ICMT: variants seen among roughly 807,000 people sequenced by gnomAD.
The protein encoded by ICMT is isoprenylcysteine carboxyl methyltransferase.
Under a neutral mutation model 32.2 loss-of-function variants are expected in ICMT, and 10 were observed. The observed-to-expected ratio is 0.31, with a 90% CI of 0.19 to 0.53. The LOEUF (loss-of-function observed/expected upper bound fraction) is 0.53, where lower values mean the gene tolerates loss of function less well. ICMT is among the 20% of genes least tolerant of loss of function. ICMT has a pLI of 0.96. For synonymous variants in ICMT, 183 were observed against 158.2 expected, an observed-to-expected ratio of 1.16 and a Z score of -1.18; for missense variants, 265 against 356.9, an observed-to-expected ratio of 0.74 and a Z score of 2.07.
intron 4 of ICMT, among the ~76,000 whole-genome samples, chr1:6,229,163 C>T (rs1156533883): frequency 6.6e-6 from 1 of 152,122 alleles, no homozygotes; most frequent in Non-Finnish European, 1.5e-5. Context: ...CATGGAAAAA[C>T]CCCGTCTCTA....
chr1:6,225,372 G>A (rs1284566139), intron 4 of ICMT, 110 bp from the exon 5 acceptor site: 3 of 1,047,336 alleles, frequency 2.9e-6, no homozygotes, highest in Non-Finnish European at 4.2e-6. Context: ...ATGCCCTGCT[G>A]AGACCGTCAG....
intron 4 of ICMT, among the ~76,000 whole-genome samples, chr1:6,225,783 C>G (rs80342731): frequency 0.015 from 2,330 of 152,240 alleles, 60 homozygotes; most frequent in African/African-American, 0.052. Context: ...CCCCCTGAGT[C>G]TGGGTTTCCA....
chr1:6,235,292 C>CATT (rs1447962863), intron 1 of ICMT, among the ~76,000 whole-genome samples: 2 of 152,146 alleles, frequency 1.3e-5, no homozygotes, highest in East Asian at 1.9e-4. Context: ...TTTTAGCTGT[C>CATT]ATTATTATTA....
intron 4 of ICMT, among the ~76,000 whole-genome samples, chr1:6,229,745 TCAAAA>T (rs1432106420): frequency 6.8e-5 from 10 of 147,890 alleles, no homozygotes; most frequent in African/African-American, 2.0e-4. Flanking sequence ...AGACCCTGCC[TCAAAA>T]CAAAACAAAA....
intron 4 of ICMT, among the ~76,000 whole-genome samples, chr1:6,226,455 G>A: frequency 6.6e-6 from 1 of 152,160 alleles, no homozygotes. Context: ...AAGGCCAAAA[G>A]CATTCCCCAG....
intron 1 of ICMT, 105 bp from the exon 2 acceptor site, chr1:6,235,079 C>G (rs1047924279): frequency 2.3e-5 from 20 of 855,812 alleles, no homozygotes; most frequent in Non-Finnish European, 3.4e-5. Flanking sequence ...CAGATAGAGC[C>G]GATTTGCTGA....
chr1:6,234,898 C>A lies in ICMT; in HGVS notation c.272G>T (p.Ser91Ile), dbSNP rs186824400. 1.2e-6 allele frequency: 2 copies of A among 1,613,432 alleles called. No individual in the cohort carries two copies. The highest frequency in any genetic ancestry group is 2.7e-5 in the African/African-American group (2 of 74,892). ...TLLSFSQSSW[S>I]HFGWYMCSLS... ...AAGGAATTCTTACCAGCCAAAGTGA[C>A]TCCAAGAAGACTGGCTAAAACTTAG... Residue 91 changes from serine (S) to isoleucine (I), a missense_variant, in exon 2 of 5, where the codon AGT (serine) becomes ATT (isoleucine). Ser to Ile is a moderately radical substitution (Grantham distance 142, BLOSUM62 -2). Coordinates refer to ENST00000343813, the MANE Select transcript of ICMT (RefSeq NM_012405.4).
chr1:6,235,688 G>A (rs1213290559), intron 1 of ICMT, 29 bp downstream of exon 1: 2 of 1,152,582 alleles, frequency 1.7e-6, no homozygotes, highest in East Asian at 8.8e-5. Context: ...CCGCCCCGCC[G>A]GCCCCCGCCG....
At position 6,233,516 on chromosome 1, in the gene ICMT, A is replaced by C. The variant is rs1668769353; in HGVS notation, c.412T>G (p.Ser138Ala). The part of the protein sequence containing the change: ...HSLEYTVAAL[S>A]SWLEFTLENI... ...TCAAGTGTGAACTCTAACCAAGAAGAAAGAGCAGCTACTGTATACTCCAGG... is the reference window on the plus strand; with the variant it reads ...TCAAGTGTGAACTCTAACCAAGAAGCAAGAGCAGCTACTGTATACTCCAGG... Residue 138 changes from serine (S) to alanine (A), a missense_variant, in exon 3 of 5, where the codon TCT becomes GCT. By Grantham distance (99) the Ser-to-Ala change is moderately conservative. Coordinates refer to ENST00000343813, the MANE Select transcript of ICMT (RefSeq NM_012405.4). 2 of 1,613,932 alleles carry C rather than the reference A, an allele frequency of 1.2e-6. No individual in the cohort carries two copies.
At chr1:6,231,567 A>G (rs1176209503) in intron 4 of ICMT, among the ~76,000 whole-genome samples, 1 of 152,098 alleles carries the variant, frequency 6.6e-6, no homozygotes, top group Non-Finnish European at 1.5e-5. Flanking sequence ...AGAAAAAAGA[A>G]AACAAACAAA....
chr1:6,234,757 T>G (rs1668791214), intron 2 of ICMT, 129 bp downstream of exon 2: 1 of 738,434 alleles, frequency 1.4e-6, no homozygotes, highest in South Asian at 1.6e-5. Flanking sequence ...GCCAGGAGAC[T>G]TCGTTTCCAG....
rs1472669562 is a variant in ICMT, at chr1:6,223,868, G to A, written c.*1212C>T. On this transcript the variant is annotated 3_prime_UTR_variant, in exon 5 of 5. Coordinates refer to ENST00000343813, the MANE Select transcript of ICMT (RefSeq NM_012405.4). Reference sequence around the variant, plus strand: ...ACTGCATGGCAGGATCTCACGCTGAGGCCAAGTTCCTGTCTAGTCCAGAAT... The same window carrying A: ...ACTGCATGGCAGGATCTCACGCTGAAGCCAAGTTCCTGTCTAGTCCAGAAT... The A allele has an allele frequency of 6.6e-6, 1 of 152,250 alleles. No homozygotes were observed. The allele number at this position is 152,250 out of a possible 1,614,324, so 9.4% of individuals were successfully genotyped here.
At chr1:6,234,078 G>A (rs1484778365) in intron 2 of ICMT, among the ~76,000 whole-genome samples, 1 of 152,020 alleles carries the variant, frequency 6.6e-6, no homozygotes, top group Non-Finnish European at 1.5e-5. Flanking sequence ...CGAACTCCTG[G>A]CTTGGCCAGG....
intron 4 of ICMT, among the ~76,000 whole-genome samples, chr1:6,230,533 C>T (rs373936601): frequency 6.7e-5 from 10 of 149,422 alleles, no homozygotes; most frequent in African/African-American, 2.5e-4. Context: ...CTGCAGTGAG[C>T]CATGATCAGA....
intron 2 of ICMT, chr1:6,234,471 GA>G: frequency 2.0e-6 from 1 of 497,580 alleles, no homozygotes; most frequent in Non-Finnish European, 4.0e-6. Flanking sequence ...ATAGTGTAGG[GA>G]AAAATCCTAC....
At chr1:6,232,428 G>A (rs1207945585) in intron 3 of ICMT, among the ~76,000 whole-genome samples, 1 of 152,142 alleles carries the variant, frequency 6.6e-6, no homozygotes, top group Non-Finnish European at 1.5e-5. Context: ...CTTCATCTGG[G>A]GACAAGTATA....
chr1:6,225,138 T>A lies in ICMT; in HGVS notation c.797A>T (p.Tyr266Phe). ...CAGGCCCGTGGGCACCCTCTTCTTA[T>A]ACTCCAGGTACTCCTCTCCAAAAAA... ...IHFFGEEYLE[Y>F]KKRVPTGLPF... is the part of the protein sequence containing the mutation. Residue 266 changes from tyrosine to phenylalanine, a missense_variant, in exon 5 of 5, where the codon TAT becomes TTT. Transcript: ENST00000343813. The A allele has an allele frequency of 6.2e-7, 1 of 1,614,192 alleles. No homozygotes were observed. The highest frequency in any genetic ancestry group is 8.5e-7 in the Non-Finnish European group (1 of 1,180,018).
Position 6,223,393 on chromosome 1 carries a change from C to A in ICMT, c.*1687G>T. On this transcript the variant is annotated 3_prime_UTR_variant, in exon 5 of 5. Coordinates refer to ENST00000343813, the MANE Select transcript of ICMT (RefSeq NM_012405.4). ...AATTGCTGGGATTACAGGCGTGAGC[C>A]ACCGCGCCCGGCCGTCTGTCTGGTT... The A allele has an allele frequency of 6.6e-6, 1 of 152,346 alleles. No individual in the cohort carries two copies. The allele number at this position is 152,346 out of a possible 1,614,324, so 9.4% of individuals were successfully genotyped here. A position where few individuals can be genotyped will look rare whatever the true frequency, so the allele number is the denominator to read the frequency against.
At chr1:6,235,619 G>A (rs542436261) in intron 1 of ICMT, 98 bp downstream of exon 1, 21 of 804,626 alleles carry the variant, frequency 2.6e-5, no homozygotes, top group African/African-American at 2.2e-4. Context: ...GCGCGCGTGG[G>A]AGGCCACTGC....
Sources: gnomAD v4.1 joint callset for allele counts (sites outside exome capture counted in the v4.1 genomes callset) on GRCh38, gnomAD v4.1.1 for gene constraint, MANE v1.5 for transcripts, NCBI Gene and HGNC (gene_info 2026-07-23, HGNC 2026-07-21) for gene names.